The following BIRC6 variants were observed in gnomAD, a reference collection of about 807,000 sequenced individuals.
BIRC6 encodes the protein baculoviral IAP repeat containing 6.
BIRC6 carries 98 observed loss-of-function variants against 503.3 expected under a neutral mutation model. That is an observed-to-expected ratio of 0.19 (90% confidence interval 0.17 to 0.23). BIRC6 has a LOEUF of 0.23. BIRC6 is among the 10% of genes least tolerant of loss of function. The probability of loss-of-function intolerance (pLI) is 1.00; values close to 1 mark genes in which losing one functional copy is unlikely to be tolerated. For synonymous variants in BIRC6, 2,240 were observed against 2,078.7 expected (o/e 1.08, Z -2.11); for missense variants, 5,360 against 5,806.0 (o/e 0.92, Z 2.50).
intron 1 of BIRC6, among the ~76,000 whole-genome samples, chr2:32,366,883 G>A (rs913612125): frequency 1.3e-5 from 2 of 152,104 alleles, no homozygotes; most frequent in African/African-American, 2.4e-5. Context: ...TTGGGAGGCT[G>A]AAGCAGGAGT....
At chr2:32,464,073 C>T (rs576291718) in intron 24 of BIRC6, among the ~76,000 whole-genome samples, 153 of 152,286 alleles carry the variant, frequency 1.0e-3, no homozygotes, top group Non-Finnish European at 1.8e-3. Context: ...CACATCTCCC[C>T]GCATCCGTGG....
At position 32,575,048 on chromosome 2, in the gene BIRC6, G is replaced by A. The variant is rs979115732; in HGVS notation, c.13145-108G>A. 52 of 1,190,358 alleles carry A rather than the reference G, an allele frequency of 4.4e-5. No individual in the cohort carries two copies. The East Asian group carries it at 6.1e-4, about 14-fold the overall frequency. 73.7% of individuals were successfully genotyped at this position (1,190,358 alleles called of 1,614,324 possible). Reference sequence around the variant, plus strand: ...CAGGCCTGAACCAGCGTGCCCAGCCGGGTCAGCTGTGGACCTTGGTAAGAT... The same window carrying A: ...CAGGCCTGAACCAGCGTGCCCAGCCAGGTCAGCTGTGGACCTTGGTAAGAT... On this transcript the variant is annotated intron_variant, in intron 65 of 73. Coordinates refer to ENST00000421745, the MANE Select transcript of BIRC6 (RefSeq NM_016252.4).
intron 1 of BIRC6, among the ~76,000 whole-genome samples, chr2:32,370,079 C>G (rs1021009315): frequency 6.7e-6 from 1 of 148,450 alleles, no homozygotes; most frequent in South Asian, 2.1e-4. Flanking sequence ...CACACACACA[C>G]ACAGCACGCA....
chr2:32,362,721 A>T (rs916737454), intron 1 of BIRC6, among the ~76,000 whole-genome samples: 5 of 152,152 alleles, frequency 3.3e-5, no homozygotes, highest in Admixed American at 3.3e-4. Context: ...CATGAAATTT[A>T]GCATAATAGT....
At chr2:32,604,530 G>A (rs1007663277) in intron 71 of BIRC6, among the ~76,000 whole-genome samples, 3 of 152,224 alleles carry the variant, frequency 2.0e-5, no homozygotes, top group Non-Finnish European at 2.9e-5. Flanking sequence ...GGGCCACCCA[G>A]TGGTAAGATA....
chr2:32,427,824 AC>A (rs2043695775), intron 10 of BIRC6, among the ~76,000 whole-genome samples: 1 of 151,958 alleles, frequency 6.6e-6, no homozygotes, highest in South Asian at 2.1e-4. Flanking sequence ...TATTTACTGG[AC>A]ATTTAAAACA....
chr2:32,406,947 A>T (rs2041290088), intron 9 of BIRC6, among the ~76,000 whole-genome samples: 2 of 152,212 alleles, frequency 1.3e-5, no homozygotes. Flanking sequence ...TTAAAACATC[A>T]AGTAAATGCT....
At chr2:32,451,882 G>A (rs145748480) in intron 22 of BIRC6, among the ~76,000 whole-genome samples, 124 of 152,200 alleles carry the variant, frequency 8.1e-4, no homozygotes, top group Middle Eastern at 6.8e-3. Flanking sequence ...TTCCAATACT[G>A]GATAATGAAA....
At chr2:32,412,077 G>T (rs978706643) in intron 9 of BIRC6, among the ~76,000 whole-genome samples, 1 of 151,970 alleles carries the variant, frequency 6.6e-6, no homozygotes, top group Non-Finnish European at 1.5e-5. Context: ...GCACCACAAC[G>T]CCTGGCTTTG....
rs747987024 is a variant in BIRC6, at chr2:32,442,351, T to G, written c.4134T>G (p.Leu1378=). ...GSSKEGNENL[L]SKTRKFLSDI... ...CAAAGGAAGGAAATGAGAACCTACT[T>G]TCAAAAACACGAAAATTTCTGTCAG... is the stretch of plus-strand genomic sequence containing the variant. Residue 1378 remains leucine (L), a synonymous_variant, in exon 19 of 74, where the codon CTT becomes CTG. Transcript: ENST00000421745. 6.8e-6 allele frequency: 11 copies of G among 1,612,908 alleles called. No individual in the cohort carries two copies. Among genetic ancestry groups the G allele is most frequent in the Non-Finnish European group, 9.3e-6 (11 of 1,179,392 alleles).
chr2:32,364,333 G>A (rs943624971), intron 1 of BIRC6, among the ~76,000 whole-genome samples: 8 of 152,064 alleles, frequency 5.3e-5, no homozygotes, highest in South Asian at 2.1e-4. Context: ...TCTGCCTCCC[G>A]GGTTCAAGCG....
intron 10 of BIRC6, among the ~76,000 whole-genome samples, chr2:32,418,636 G>C (rs1032472527): frequency 4.6e-5 from 7 of 152,118 alleles, no homozygotes; most frequent in African/African-American, 1.7e-4. Context: ...ATGGCACCCC[G>C]GTGCACATCT....
intron 73 of BIRC6, among the ~76,000 whole-genome samples, chr2:32,615,794 C>G (rs1396347117): frequency 6.6e-6 from 1 of 152,082 alleles, no homozygotes; most frequent in Admixed American, 6.6e-5. Context: ...ACCACCACAC[C>G]CAGCTAATTT....
At position 32,463,216 on chromosome 2, in the gene BIRC6, T is replaced by C. The variant is rs145790024; in HGVS notation, c.4776T>C (p.Pro1592=). ...CAGTGAGTTCCTTCGGGGTTACTCC[T>C]GCAGTAGGTGGACTATCATCTGGGA... ...DDAMSSFGVT[P]AVGGLSSGTV... Residue 1592 remains proline (P), a synonymous_variant, in exon 24 of 74, where the codon CCT becomes CCC. Transcript: ENST00000421745. 18 of 1,612,774 alleles carry C rather than the reference T, an allele frequency of 1.1e-5. No individual in the cohort carries two copies. Among genetic ancestry groups the C allele is most frequent in the African/African-American group, 2.7e-5 (2 of 74,880 alleles).
chr2:32,578,418 T>A (rs1054727865), intron 66 of BIRC6, among the ~76,000 whole-genome samples: 7 of 152,144 alleles, frequency 4.6e-5, no homozygotes, highest in African/African-American at 1.7e-4. Context: ...AGAGAATGAT[T>A]CAGGAAAATG....
chr2:32,525,352 G>A lies in BIRC6; in HGVS notation c.11756-112G>A. 3 of 1,156,246 alleles carry A rather than the reference G, an allele frequency of 2.6e-6. No individual in the cohort carries two copies. In the Admixed American group the frequency reaches 6.5e-5, roughly 25 times the overall value. 71.6% of individuals were successfully genotyped at this position (1,156,246 alleles called of 1,614,324 possible). On this transcript the variant is annotated intron_variant, in intron 58 of 73. Coordinates refer to ENST00000421745, the MANE Select transcript of BIRC6 (RefSeq NM_016252.4). The stretch of plus-strand genomic sequence containing the variant: ...ATATTGGATTAGAAGGAACATTTCT[G>A]TTTTCTGACATTAGCTAGGAATGCA...
In BIRC6 at chr2:32,549,162, A is replaced by G. The variant is rs181791991; in HGVS notation, c.12976-151A>G. On this transcript the variant is annotated intron_variant, in intron 64 of 73. Transcript: ENST00000421745. ...CAAAACAGATCCTTCTCTTTTGAAA[A>G]TTTAAACAAATAATTATTTTAAAAC... is the stretch of plus-strand genomic sequence containing the variant. The G allele has an allele frequency of 1.7e-3, 922 of 530,912 alleles. 10 individuals are homozygous for G. Among genetic ancestry groups the G allele is most frequent in the African/African-American group, 0.017 (873 of 51,260 alleles). The allele number at this position is 530,912 out of a possible 1,614,324, so 32.9% of individuals were successfully genotyped here.
intron 72 of BIRC6, 74 bp downstream of exon 72, chr2:32,607,717 C>T: frequency 1.5e-6 from 2 of 1,300,410 alleles, no homozygotes; most frequent in East Asian, 2.5e-5. Flanking sequence ...GTGGCTCATG[C>T]CTGTAATCTC....
intron 65 of BIRC6, among the ~76,000 whole-genome samples, chr2:32,567,522 A>G (rs2059616454): frequency 6.6e-6 from 1 of 152,218 alleles, no homozygotes; most frequent in South Asian, 2.1e-4. Context: ...GTTTTCTTAC[A>G]TTTTAGTTAA....
Sources: gnomAD v4.1 joint callset for allele counts (sites outside exome capture counted in the v4.1 genomes callset) on GRCh38, gnomAD v4.1.1 for gene constraint, MANE v1.5 for transcripts, NCBI Gene and HGNC (gene_info 2026-07-23, HGNC 2026-07-21) for gene names.